SLC35D1: variants seen among roughly 807,000 people sequenced by gnomAD.
SLC35D1 encodes the protein solute carrier family 35 member D1, also known as nucleotide sugar transporter SLC35D1.
A neutral mutation model predicts 46.7 loss-of-function variants in SLC35D1; 31 were observed. That is an observed-to-expected ratio of 0.66 (90% CI 0.50 to 0.90). SLC35D1 has a LOEUF of 0.90. Ranked by LOEUF, SLC35D1 falls within the 40% of genes least tolerant of loss-of-function variation. The pLI is 0.00. For missense variants in SLC35D1, 397 were observed against 426.2 expected (o/e 0.93, Z 0.60); for synonymous variants, 195 against 164.6 (o/e 1.18, Z -1.41).
At chr1:66,982,007 A>T in the SLC35D1 span, 1 of 1,384,598 alleles carries the variant, frequency 7.2e-7, no homozygotes, top group Non-Finnish European at 1.0e-6. Context: ...GTTTCTATTA[A>T]ACTTCCAGAG....
intron 8 of SLC35D1, among the ~76,000 whole-genome samples, chr1:67,032,665 G>A (rs546236182): frequency 2.6e-5 from 4 of 152,210 alleles, no homozygotes; most frequent in East Asian, 1.9e-4. Context: ...TGGGCAAGAA[G>A]AGTAAAACTC....
chr1:67,013,127 C>A (rs969710950), intron 10 of SLC35D1, among the ~76,000 whole-genome samples: 2 of 76,052 alleles, frequency 2.6e-5, no homozygotes, highest in Admixed American at 2.4e-4. Flanking sequence ...ATTATACATG[C>A]ATATATAATT....
chr1:66,985,112 A>G, the SLC35D1 span: 1 of 1,220,026 alleles, frequency 8.2e-7, no homozygotes, highest in Admixed American at 4.0e-5. Context: ...TTTAAAAATT[A>G]GTAAATTTGA....
At chr1:67,045,678 T>C (rs1333198650) in intron 7 of SLC35D1, among the ~76,000 whole-genome samples, 1 of 152,246 alleles carries the variant, frequency 6.6e-6, no homozygotes, top group Non-Finnish European at 1.5e-5. Flanking sequence ...TAGGATATAC[T>C]ATAGATTGTA....
chr1:67,031,089 C>T (rs766340312), intron 8 of SLC35D1, among the ~76,000 whole-genome samples: 12 of 152,176 alleles, frequency 7.9e-5, no homozygotes, highest in Non-Finnish European at 1.3e-4. Context: ...GCACAGTCTC[C>T]TTTGGGGACA....
intron 10 of SLC35D1, among the ~76,000 whole-genome samples, chr1:67,010,588 A>C (rs1667543270): frequency 6.6e-6 from 1 of 152,202 alleles, no homozygotes. Context: ...AATATCCTTT[A>C]TCAGGTCCCA....
chr1:67,026,715 T>C (rs1667920684), intron 8 of SLC35D1, among the ~76,000 whole-genome samples: 1 of 152,176 alleles, frequency 6.6e-6, no homozygotes, highest in Non-Finnish European at 1.5e-5. Flanking sequence ...ACTGTATTAG[T>C]CTCTTCTCAT....
chr1:66,978,494 C>T, the SLC35D1 span, among the ~76,000 whole-genome samples: 1 of 151,884 alleles, frequency 6.6e-6, no homozygotes, highest in Non-Finnish European at 1.5e-5. Flanking sequence ...TATCTAATTG[C>T]TTAATGTTAA....
chr1:67,020,805 C>T (rs553361961), intron 9 of SLC35D1, among the ~76,000 whole-genome samples: 1 of 152,246 alleles, frequency 6.6e-6, no homozygotes, highest in African/African-American at 2.4e-5. Flanking sequence ...TCCATAAGGA[C>T]AACATGTCCT....
chr1:66,998,379 C>T (rs918758604), downstream of SLC35D1, among the ~76,000 whole-genome samples: 1 of 152,086 alleles, frequency 6.6e-6, no homozygotes, highest in Non-Finnish European at 1.5e-5. Context: ...ATCCCAGTCA[C>T]TCCAGAGGCT....
In SLC35D1 at chr1:67,003,823, T is replaced by C. The variant is rs1198643488; in HGVS notation, c.*517A>G. On this transcript the variant is annotated 3_prime_UTR_variant, in exon 12 of 12. Coordinates refer to ENST00000235345, the MANE Select transcript of SLC35D1 (RefSeq NM_015139.3). Reference sequence around the variant, plus strand: ...CCCACATATTTTTATAGTGCCAAAGTTGTTTTCCTTGGCAAATGGAATGAT... The same window carrying C: ...CCCACATATTTTTATAGTGCCAAAGCTGTTTTCCTTGGCAAATGGAATGAT... The C allele has an allele frequency of 5.7e-6, 1 of 174,646 alleles. No homozygotes were observed. Among genetic ancestry groups the C allele is most frequent in the East Asian group, 1.5e-4 (1 of 6,690 alleles). The allele number at this position is 174,646 out of a possible 1,614,324, so 10.8% of individuals were successfully genotyped here.
At chr1:67,043,269 T>C (rs538639355) in intron 7 of SLC35D1, among the ~76,000 whole-genome samples, 19 of 151,242 alleles carry the variant, frequency 1.3e-4, no homozygotes, top group Non-Finnish European at 2.7e-4. Flanking sequence ...GGGAGGCTGA[T>C]GTGGGTGGAA....
At position 67,053,948 on chromosome 1, in the gene SLC35D1, T is replaced by C. The variant is rs746994668; in HGVS notation, c.66A>G (p.Thr22=). ...VKGEAPAKSS[T]LRDEEELGMA... ...TCCCCAGCTCCTCCTCATCTCGGAG[T>C]GTGGAGGATTTCGCGGGGGCTTCTC... The change falls in exon 1 of 12, where the codon ACA becomes ACG. Residue 22 remains threonine, a synonymous_variant. Transcript: ENST00000235345. 1.2e-6 allele frequency: 2 copies of C among 1,613,308 alleles called. No individual in the cohort carries two copies. Among genetic ancestry groups the C allele is most frequent in the Non-Finnish European group, 1.7e-6 (2 of 1,179,596 alleles).
intron 4 of SLC35D1, among the ~76,000 whole-genome samples, chr1:67,050,793 G>GGCTTCAAAA (rs1558168202): frequency 6.6e-6 from 1 of 151,942 alleles, no homozygotes; most frequent in Admixed American, 6.5e-5. Context: ...AATAGAAAAA[G>GGCTTCAAAA]GCTTCCTTCT....
chr1:66,975,531 A>G, the SLC35D1 span, among the ~76,000 whole-genome samples: 1 of 142,080 alleles, frequency 7.0e-6, no homozygotes, highest in Non-Finnish European at 1.6e-5. Flanking sequence ...ATCTCAAAAA[A>G]AAAAGAAAAA....
intron 10 of SLC35D1, among the ~76,000 whole-genome samples, chr1:67,014,191 A>G (rs1349178999): frequency 2.6e-5 from 4 of 152,194 alleles, no homozygotes; most frequent in African/African-American, 4.8e-5. Flanking sequence ...ATAAAATCCT[A>G]TAAGTTCCTA....
intron 8 of SLC35D1, among the ~76,000 whole-genome samples, chr1:67,041,404 A>G (rs145113155): frequency 6.6e-6 from 1 of 152,350 alleles, no homozygotes; most frequent in African/African-American, 2.4e-5. Flanking sequence ...ACAATTTAAT[A>G]GTCCAACAGC....
At chr1:66,974,159 A>C in the SLC35D1 span, among the ~76,000 whole-genome samples, 145 of 152,038 alleles carry the variant, frequency 9.5e-4, no homozygotes, top group African/African-American at 3.4e-3. Context: ...GTTCATTCTT[A>C]ATTATTTTGT....
chr1:67,033,086 T>C (rs1174033789), intron 8 of SLC35D1, among the ~76,000 whole-genome samples: 1 of 152,222 alleles, frequency 6.6e-6, no homozygotes, highest in African/African-American at 2.4e-5. Flanking sequence ...TCCTTTTTTT[T>C]ATGGCTGAAT....
Sources: gnomAD v4.1 joint callset for allele counts (sites outside exome capture counted in the v4.1 genomes callset) on GRCh38, gnomAD v4.1.1 for gene constraint, MANE v1.5 for transcripts, NCBI Gene and HGNC (gene_info 2026-07-23, HGNC 2026-07-21) for gene names.